The following LPAR1 variants were observed in gnomAD, a reference collection of about 807,000 sequenced individuals.
The protein encoded by LPAR1 is lysophosphatidic acid receptor 1.
In LPAR1, 5 loss-of-function variants were observed where a neutral mutation model predicts 23.8. That is an observed-to-expected ratio of 0.21 (90% confidence interval 0.11 to 0.44). The LOEUF (loss-of-function observed/expected upper bound fraction) is 0.44, where lower values mean the gene tolerates loss of function less well. LPAR1 is among the 20% of genes least tolerant of loss of function. The pLI, the probability that LPAR1 is intolerant of heterozygous loss-of-function variation, is 0.99. For missense variants in LPAR1, 311 were observed against 482.8 expected, an observed-to-expected ratio of 0.64 and a Z score of 3.33; for synonymous variants, 160 against 164.7, an observed-to-expected ratio of 0.97 and a Z score of 0.22.
intron 2 of LPAR1, among the ~76,000 whole-genome samples, chr9:111,007,515 A>G (rs1342450512): frequency 6.6e-6 from 1 of 152,222 alleles, no homozygotes; most frequent in Non-Finnish European, 1.5e-5. Flanking sequence ...ATCGATGAGC[A>G]TAAGAAAAAA....
intron 4 of LPAR1, among the ~76,000 whole-genome samples, chr9:110,969,393 C>A (rs994540828): frequency 6.6e-6 from 1 of 152,044 alleles, no homozygotes; most frequent in African/African-American, 2.4e-5. Flanking sequence ...TAATATATAG[C>A]TGTGTAGACA....
Position 111,030,254 on chromosome 9 carries a change from A to G in LPAR1, c.-182+5868T>C, listed in dbSNP as rs1204405504. 4.6e-5 allele frequency among the ~76,000 whole-genome samples: 7 copies of G among 152,316 alleles called. No individual in the cohort carries two copies. In the East Asian group the frequency reaches 1.2e-3, roughly 25 times the overall value. On this transcript the variant is annotated intron_variant, in intron 2 of 5. Transcript: ENST00000683809. ...TGCCTAGTCAGAAAGTAAAGCAAGC[A>G]GTTCTCTGTGGAACTACAATAAATA... is the stretch of plus-strand genomic sequence containing the variant.
intron 2 of LPAR1, among the ~76,000 whole-genome samples, chr9:111,026,722 T>G (rs778672393): frequency 7.2e-5 from 11 of 152,156 alleles, no homozygotes; most frequent in Admixed American, 4.6e-4. Flanking sequence ...GTTTATTGAG[T>G]GTTTTTAGCA....
At chr9:110,934,602 A>C (rs2094578456) in intron 5 of LPAR1, 1 of 152,232 alleles carries the variant, frequency 6.6e-6, no homozygotes, top group Admixed American at 6.5e-5. Context: ...TCCTCTAGAA[A>C]GCTCTACATG....
chr9:110,914,143 C>T (rs1376996562), intron 5 of LPAR1, among the ~76,000 whole-genome samples: 1 of 152,182 alleles, frequency 6.6e-6, no homozygotes, highest in Non-Finnish European at 1.5e-5. Flanking sequence ...TGATTCTAAT[C>T]CTGTTTCCCT....
chr9:110,934,889 T>C (rs569071116), intron 5 of LPAR1, among the ~76,000 whole-genome samples: 6 of 151,988 alleles, frequency 3.9e-5, no homozygotes, highest in African/African-American at 1.4e-4. Context: ...ACAAACTTAA[T>C]ATAAAAACCA....
Position 110,875,720 on chromosome 9 carries a change from C to A in LPAR1, c.796G>T (p.Ala266Ser). The A allele has an allele frequency of 6.3e-7, 1 of 1,579,196 alleles. No individual in the cohort carries two copies. The highest frequency in any genetic ancestry group is 8.6e-7 in the Non-Finnish European group (1 of 1,158,814). Residue 266 changes from alanine (A) to serine (S), a missense_variant and splice_region_variant, in exon 6 of 6, where the codon GCC (alanine) becomes TCC (serine). This residue lies in a region of LPAR1 where 250 missense variants were observed against 427.2 expected (regional missense o/e 0.59). Coordinates refer to ENST00000683809, the MANE Select transcript of LPAR1 (RefSeq NM_001351411.2). The stretch of plus-strand genomic sequence containing the variant: ...CCAGGAGTCCAGCAGATGATAAAGG[C>A]CCCTACAAGGACAAGGATAGGGATC... Reference protein sequence around the residue: ...LLKTVVIVLGAFIICWTPGLV... With the variant: ...LLKTVVIVLGSFIICWTPGLV...
At position 110,950,721 on chromosome 9, in the gene LPAR1, C is replaced by T. The variant is rs2095543470; in HGVS notation, c.46-8553G>A. On this transcript the variant is annotated intron_variant, in intron 4 of 5. Transcript: ENST00000683809. ...AGCTCTAACGTATCTAGGAATAAGTCTGACTTTACAAAAGCATACAAGCAA... is the reference window on the plus strand; with the variant it reads ...AGCTCTAACGTATCTAGGAATAAGTTTGACTTTACAAAAGCATACAAGCAA... Among the ~76,000 whole-genome samples, 3 of 152,020 alleles carry T rather than the reference C, an allele frequency of 2.0e-5. No homozygotes were observed. In the South Asian group the frequency reaches 6.2e-4, roughly 32 times the overall value.
intron 4 of LPAR1, among the ~76,000 whole-genome samples, chr9:110,950,530 C>T (rs571550722): frequency 6.7e-6 from 1 of 149,468 alleles, no homozygotes; most frequent in Non-Finnish European, 1.5e-5. Flanking sequence ...ATAATATAAT[C>T]AGTTACACAG....
intron 5 of LPAR1, among the ~76,000 whole-genome samples, chr9:110,912,643 T>A (rs974989296): frequency 2.0e-5 from 3 of 152,192 alleles, no homozygotes; most frequent in African/African-American, 7.2e-5. Flanking sequence ...CTATAGAAGC[T>A]GGCATGGTCT....
intron 2 of LPAR1, among the ~76,000 whole-genome samples, chr9:111,021,497 G>A (rs1003538811): frequency 1.2e-4 from 18 of 151,800 alleles, no homozygotes; most frequent in African/African-American, 4.4e-4. Flanking sequence ...TCATCCAATG[G>A]GTTTTTATAA....
intron 2 of LPAR1, among the ~76,000 whole-genome samples, chr9:111,021,843 CCCAG>C (rs1415263669): frequency 6.6e-5 from 10 of 151,850 alleles, no homozygotes; most frequent in Non-Finnish European, 1.5e-4. Flanking sequence ...CACCTGTAAT[CCCAG>C]CTACTCAAGA....
At chr9:110,906,264 T>C (rs2091187208) in intron 5 of LPAR1, among the ~76,000 whole-genome samples, 1 of 152,190 alleles carries the variant, frequency 6.6e-6, no homozygotes, top group South Asian at 2.1e-4. Flanking sequence ...TTCTATTATA[T>C]GTAGGACAAT....
chr9:110,990,449 T>G (rs1252186780), intron 2 of LPAR1, among the ~76,000 whole-genome samples: 3 of 152,122 alleles, frequency 2.0e-5, no homozygotes, highest in Non-Finnish European at 4.4e-5. Flanking sequence ...TGGAAAATCA[T>G]CAAATGCTGG....
chr9:110,878,568 CAG>C (rs1233364567), intron 5 of LPAR1, among the ~76,000 whole-genome samples: 2 of 152,166 alleles, frequency 1.3e-5, no homozygotes, highest in Non-Finnish European at 2.9e-5. Flanking sequence ...ATGTAATCTA[CAG>C]AGAGTTCAGC....
At chr9:110,893,215 T>C (rs972008938) in intron 5 of LPAR1, among the ~76,000 whole-genome samples, 3 of 152,240 alleles carry the variant, frequency 2.0e-5, no homozygotes, top group Non-Finnish European at 4.4e-5. Context: ...AAATGTACAA[T>C]GTCCTCTTTT....
rs530222429 is a variant in LPAR1, at chr9:110,927,689, G to A, written c.793+13732C>T. Among the ~76,000 whole-genome samples the A allele has an allele frequency of 2.0e-5, 3 of 152,108 alleles. No individual in the cohort carries two copies. In the South Asian group the frequency reaches 6.2e-4, roughly 32 times the overall value. ...CAAATCTTTTTTATAAAATTTAGCT[G>A]TAAAATAAGGCCAAGGAAAAGTAAA... On this transcript the variant is annotated intron_variant, in intron 5 of 5. Transcript: ENST00000683809.
At chr9:110,947,330 A>G (rs2095417373) in intron 4 of LPAR1, among the ~76,000 whole-genome samples, 1 of 152,216 alleles carries the variant, frequency 6.6e-6, no homozygotes, top group South Asian at 2.1e-4. Context: ...ACAAAAACAT[A>G]AATAAGATAG....
At chr9:110,932,958 C>T (rs2094495294) in intron 5 of LPAR1, among the ~76,000 whole-genome samples, 1 of 152,232 alleles carries the variant, frequency 6.6e-6, no homozygotes, top group Admixed American at 6.5e-5. Context: ...TCTGAGGGAG[C>T]TCATGACTTT....
Sources: gnomAD v4.1 joint callset for allele counts (sites outside exome capture counted in the v4.1 genomes callset) on GRCh38, gnomAD v4.1.1 for gene constraint, gnomAD v4.1.1 regional missense constraint, MANE v1.5 for transcripts, NCBI Gene and HGNC (gene_info 2026-07-23, HGNC 2026-07-21) for gene names.